NOS1AP: variants seen among roughly 807,000 people sequenced by gnomAD.
NOS1AP encodes nitric oxide synthase 1 adaptor protein.
A neutral mutation model predicts 56.2 loss-of-function variants in NOS1AP; 21 were observed. That is an observed-to-expected ratio of 0.37 (90% confidence interval 0.26 to 0.54). NOS1AP has a LOEUF of 0.54. Ranked by LOEUF, NOS1AP falls within the 20% of genes least tolerant of loss-of-function variation. The probability of loss-of-function intolerance (pLI) is 0.84; values close to 1 mark genes in which losing one functional copy is unlikely to be tolerated. For synonymous variants in NOS1AP, 270 were observed against 274.6 expected (o/e 0.98, Z 0.17); for missense variants, 522 against 657.8 (o/e 0.79, Z 2.26).
At chr1:162,207,536 G>A (rs186318470) in intron 2 of NOS1AP, among the ~76,000 whole-genome samples, 2 of 152,304 alleles carry the variant, frequency 1.3e-5, no homozygotes, top group East Asian at 1.9e-4. Context: ...GTAATACCAG[G>A]TACTTTACAG....
chr1:162,272,974 G>A (rs145486543), intron 2 of NOS1AP, among the ~76,000 whole-genome samples: 263 of 152,056 alleles, frequency 1.7e-3, no homozygotes, highest in African/African-American at 6.0e-3. Context: ...ACCATGACTT[G>A]GTACCATAGC....
At chr1:162,185,135 A>G (rs568984945) in intron 2 of NOS1AP, among the ~76,000 whole-genome samples, 7 of 152,334 alleles carry the variant, frequency 4.6e-5, no homozygotes, top group African/African-American at 1.7e-4. Context: ...CCATTCTTCC[A>G]TAGATATATC....
chr1:162,255,815 C>T (rs1654010747), intron 2 of NOS1AP, among the ~76,000 whole-genome samples: 1 of 152,072 alleles, frequency 6.6e-6, no homozygotes, highest in South Asian at 2.1e-4. Context: ...AAGCACTAAC[C>T]CAGTCTTTAT....
At chr1:162,146,933 A>G (rs113700758) in intron 1 of NOS1AP, among the ~76,000 whole-genome samples, 234 of 152,172 alleles carry the variant, frequency 1.5e-3, no homozygotes, top group African/African-American at 5.4e-3. Context: ...TATTTTTTCT[A>G]TCTTGTTCAG....
chr1:162,176,625 C>T (rs544162452), intron 2 of NOS1AP, among the ~76,000 whole-genome samples: 3 of 149,768 alleles, frequency 2.0e-5, no homozygotes, highest in African/African-American at 7.3e-5. Flanking sequence ...TCTCCTGCCT[C>T]AGCCTCCCAA....
chr1:162,159,026 T>C (rs1650086584), intron 2 of NOS1AP, among the ~76,000 whole-genome samples: 1 of 152,230 alleles, frequency 6.6e-6, no homozygotes, highest in Non-Finnish European at 1.5e-5. Flanking sequence ...TGGCGCCGCT[T>C]GCTTGGAGGT....
At chr1:162,073,110 A>G (rs1451290091) in intron 1 of NOS1AP, among the ~76,000 whole-genome samples, 1 of 152,192 alleles carries the variant, frequency 6.6e-6, no homozygotes, top group Non-Finnish European at 1.5e-5. Context: ...TTAAAAACCC[A>G]TGCATTTAGT....
chr1:162,303,183 A>G (rs1655716836), intron 4 of NOS1AP, among the ~76,000 whole-genome samples: 1 of 152,156 alleles, frequency 6.6e-6, no homozygotes, highest in African/African-American at 2.4e-5. Context: ...TTGCGTGGAC[A>G]TATGCTTTTA....
intron 2 of NOS1AP, among the ~76,000 whole-genome samples, chr1:162,206,937 G>A (rs1652181798): frequency 6.6e-6 from 1 of 152,216 alleles, no homozygotes; most frequent in Non-Finnish European, 1.5e-5. Flanking sequence ...TAAATAGAAG[G>A]AATTAACCAG....
At chr1:162,111,262 G>A (rs1647700443) in intron 1 of NOS1AP, among the ~76,000 whole-genome samples, 1 of 152,178 alleles carries the variant, frequency 6.6e-6, no homozygotes, top group South Asian at 2.1e-4. Flanking sequence ...AGATCCTATA[G>A]TTGAAACTGG....
chr1:162,221,544 A>ACACACACG (rs1557838083), intron 2 of NOS1AP, among the ~76,000 whole-genome samples: 33 of 150,286 alleles, frequency 2.2e-4, no homozygotes. Flanking sequence ...GCACACACAC[A>ACACACACG]CACACACACA....
At chr1:162,091,219 A>C (rs898911562) in intron 1 of NOS1AP, among the ~76,000 whole-genome samples, 3 of 151,966 alleles carry the variant, frequency 2.0e-5, no homozygotes, top group Non-Finnish European at 4.4e-5. Context: ...CTGGGCAATC[A>C]GTTTTGAGAG....
At position 162,343,908 on chromosome 1, in the gene NOS1AP, C is replaced by T. The variant is rs748601265; in HGVS notation, c.527C>T (p.Thr176Met). Residue 176 changes from threonine (T) to methionine (M), a missense_variant, in exon 6 of 10, where the codon ACG (threonine) becomes ATG (methionine). Transcript: ENST00000361897. Reference protein sequence around the residue: ...EVCHKLSLQHTQQNADGQEDG... With the variant: ...EVCHKLSLQHMQQNADGQEDG... ...TGCCACAAGCTGAGCCTGCAGCACA[C>T]GCAGCAGAATGCAGATGGCCAGGAA... is the stretch of plus-strand genomic sequence containing the variant. 3.2e-5 allele frequency: 52 copies of T among 1,613,880 alleles called. No homozygotes were observed. The highest frequency in any genetic ancestry group is 5.0e-5 in the Admixed American group (3 of 59,986).
chr1:162,301,248 TG>T (rs1320888872), intron 4 of NOS1AP, among the ~76,000 whole-genome samples: 2 of 152,080 alleles, frequency 1.3e-5, no homozygotes, highest in African/African-American at 2.4e-5. Context: ...TTGAGACCTT[TG>T]GGGGTGATTA....
intron 1 of NOS1AP, among the ~76,000 whole-genome samples, chr1:162,081,774 A>ATATATATATT: frequency 3.2e-4 from 14 of 43,994 alleles, no homozygotes; most frequent in Admixed American, 9.5e-4. Context: ...ATATATATAT[A>ATATATATATT]TTTTTTTTTT....
chr1:162,102,237 G>A (rs945223275), intron 1 of NOS1AP, among the ~76,000 whole-genome samples: 18 of 152,208 alleles, frequency 1.2e-4, no homozygotes, highest in Non-Finnish European at 2.6e-4. Flanking sequence ...CTGGTTATGT[G>A]ATGAATTACA....
At chr1:162,214,151 T>C (rs572092406) in intron 2 of NOS1AP, among the ~76,000 whole-genome samples, 1 of 152,334 alleles carries the variant, frequency 6.6e-6, no homozygotes, top group South Asian at 2.1e-4. Flanking sequence ...GTTTTCTTCT[T>C]TGGTGTGCCT....
intron 2 of NOS1AP, among the ~76,000 whole-genome samples, chr1:162,225,066 A>G (rs1018508333): frequency 1.7e-4 from 26 of 152,144 alleles, no homozygotes; most frequent in Admixed American, 4.6e-4. Context: ...TGCAGGTGAT[A>G]TTTGCCACTT....
intron 3 of NOS1AP, among the ~76,000 whole-genome samples, chr1:162,291,451 C>T (rs1292109757): frequency 2.0e-5 from 3 of 151,934 alleles, no homozygotes; most frequent in Non-Finnish European, 2.9e-5. Context: ...ATCATGTTGT[C>T]CTCCCTCTTT....
Sources: gnomAD v4.1 joint callset for allele counts (sites outside exome capture counted in the v4.1 genomes callset) on GRCh38, gnomAD v4.1.1 for gene constraint, MANE v1.5 for transcripts, NCBI Gene and HGNC (gene_info 2026-07-23, HGNC 2026-07-21) for gene names.